CSMD1: variants seen among roughly 807,000 people sequenced by gnomAD.
CSMD1 encodes the protein CUB and Sushi multiple domains 1.
Under a neutral mutation model 417.5 loss-of-function variants are expected in CSMD1, and 213 were observed. The ratio of observed to expected loss-of-function variants is 0.51; its 90% CI spans 0.46 to 0.57. The LOEUF (loss-of-function observed/expected upper bound fraction) is 0.57, where lower values mean the gene tolerates loss of function less well. Among genes scored for constraint, CSMD1 ranks in the 20% least tolerant of loss-of-function variants. CSMD1 has a pLI of 0.00. For synonymous variants in CSMD1, 2,862 were observed against 1,736.8 expected, an observed-to-expected ratio of 1.65 and a Z score of -16.11; for missense variants, 6,923 against 4,529.7, an observed-to-expected ratio of 1.53 and a Z score of -15.17.
chr8:3,294,746 G>A (rs935293402), intron 25 of CSMD1, among the ~76,000 whole-genome samples: 13 of 152,268 alleles, frequency 8.5e-5, no homozygotes, highest in South Asian at 8.3e-4. Flanking sequence ...ACTAGGATAG[G>A]GAATTCCCTG....
At chr8:3,445,112 G>A (rs943698092) in intron 12 of CSMD1, among the ~76,000 whole-genome samples, 2 of 152,112 alleles carry the variant, frequency 1.3e-5, no homozygotes, top group Non-Finnish European at 2.9e-5. Context: ...CAGAAAATAG[G>A]AGCAACATAT....
At chr8:4,041,093 T>C (rs576747778) in intron 3 of CSMD1, among the ~76,000 whole-genome samples, 132 of 142,890 alleles carry the variant, frequency 9.2e-4, no homozygotes, top group Middle Eastern at 3.8e-3. Flanking sequence ...CTCGGCTCAC[T>C]GCAAGCTCCG....
intron 5 of CSMD1, among the ~76,000 whole-genome samples, chr8:3,967,125 A>G (rs1165649104): frequency 6.6e-6 from 1 of 151,720 alleles, no homozygotes; most frequent in Non-Finnish European, 1.5e-5. Context: ...AAACGGACTA[A>G]TTTTGTCTAT....
chr8:3,756,026 C>A (rs1797636188), intron 5 of CSMD1, among the ~76,000 whole-genome samples: 1 of 152,008 alleles, frequency 6.6e-6, no homozygotes, highest in Admixed American at 6.6e-5. Context: ...CCAGTCTGTG[C>A]CACTCACCTG....
At chr8:3,734,035 C>T (rs570609860) in intron 6 of CSMD1, among the ~76,000 whole-genome samples, 5 of 147,640 alleles carry the variant, frequency 3.4e-5, no homozygotes, top group Non-Finnish European at 6.0e-5. Flanking sequence ...TGAATAAACT[C>T]AGGAAGAAAT....
At chr8:3,818,380 T>G (rs933396725) in intron 5 of CSMD1, among the ~76,000 whole-genome samples, 1 of 152,220 alleles carries the variant, frequency 6.6e-6, no homozygotes, top group Non-Finnish European at 1.5e-5. Flanking sequence ...AAATGTTTAC[T>G]CTTGGAGGGA....
In CSMD1 at chr8:3,796,692, G is replaced by C. The variant is rs148644166; in HGVS notation, c.819-42650C>G. ...TCTATATGTATACATTGGAAGGTTA[G>C]AAAAGATGAGAATGGGTAGGAAACA... On this transcript the variant is annotated intron_variant, in intron 5 of 69. Coordinates refer to ENST00000635120, the MANE Select transcript of CSMD1 (RefSeq NM_033225.6). 2.8e-3 allele frequency among the ~76,000 whole-genome samples: 416 copies of C among 150,536 alleles called. 2 individuals are homozygous for C. Among genetic ancestry groups the C allele is most frequent in the African/African-American group, 9.3e-3 (385 of 41,262 alleles).
Position 4,428,089 on chromosome 8 carries a change from T to A in CSMD1, c.303-8024A>T, listed in dbSNP as rs142508742. On this transcript the variant is annotated intron_variant, in intron 2 of 69. Transcript: ENST00000635120. ...TGTCTCGTTTTCATATCAGACAATA[T>A]CAAGAGTGAATGGGATACATCTCTG... Among the ~76,000 whole-genome samples, 332 of 152,294 alleles carry A rather than the reference T, an allele frequency of 2.2e-3. 1 individual carries two copies. Among genetic ancestry groups the A allele is most frequent in the African/African-American group, 7.7e-3 (320 of 41,556 alleles).
intron 3 of CSMD1, among the ~76,000 whole-genome samples, chr8:4,214,006 G>A (rs1397231724): frequency 1.3e-5 from 2 of 152,178 alleles, no homozygotes; most frequent in African/African-American, 2.4e-5. Flanking sequence ...AAGGGGCAAA[G>A]TTCTGACGAT....
At chr8:4,368,223 G>T (rs1387869507) in intron 3 of CSMD1, among the ~76,000 whole-genome samples, 2 of 152,114 alleles carry the variant, frequency 1.3e-5, no homozygotes, top group Non-Finnish European at 2.9e-5. Flanking sequence ...ATTTATCAGA[G>T]GCATTTTCTG....
intron 7 of CSMD1, among the ~76,000 whole-genome samples, chr8:3,671,231 G>C (rs992039729): frequency 2.8e-5 from 4 of 143,424 alleles, no homozygotes; most frequent in African/African-American, 1.0e-4. Flanking sequence ...TATGTATATG[G>C]GATATATATG....
At chr8:3,628,562 G>A (rs1325284913) in intron 7 of CSMD1, among the ~76,000 whole-genome samples, 4 of 152,320 alleles carry the variant, frequency 2.6e-5, no homozygotes, top group African/African-American at 7.2e-5. Context: ...GGATGCCACT[G>A]GGCCACGGCA....
At chr8:3,837,770 C>A (rs954006850) in intron 5 of CSMD1, among the ~76,000 whole-genome samples, 4 of 151,480 alleles carry the variant, frequency 2.6e-5, no homozygotes, top group African/African-American at 9.7e-5. Flanking sequence ...TCAGTTCCAT[C>A]TTTGTTTTCT....
At chr8:3,471,340 T>A (rs953036216) in intron 11 of CSMD1, among the ~76,000 whole-genome samples, 2 of 152,194 alleles carry the variant, frequency 1.3e-5, no homozygotes, top group Middle Eastern at 3.2e-3. Context: ...TATATTGTAG[T>A]ACAGATACCA....
At chr8:4,015,725 A>C (rs559314234) in intron 4 of CSMD1, among the ~76,000 whole-genome samples, 111 of 151,168 alleles carry the variant, frequency 7.3e-4, no homozygotes, top group African/African-American at 2.6e-3. Flanking sequence ...AAAACTGTTG[A>C]AAAATACTGA....
In CSMD1 at chr8:2,957,719, C is replaced by T. The variant is rs1803118114; in HGVS notation, c.9791G>A (p.Ser3264Asn). The change falls in exon 63 of 70, where the codon AGT becomes AAT. Residue 3264 changes from serine (S) to asparagine (N), a missense_variant. By Grantham distance (46) the Ser-to-Asn change is conservative. Transcript: ENST00000635120. Reference sequence around the variant, plus strand: ...ACGTATACATTCGGTCTGTATCCCACTCCATGTTAAATTGGCAAGGCAGGT... The same window carrying T: ...ACGTATACATTCGGTCTGTATCCCATTCCATGTTAAATTGGCAAGGCAGGT... The part of the protein sequence containing the change: ...TRTCLANLTW[S>N]GIQTECIPHA... 1.9e-6 allele frequency: 3 copies of T among 1,594,426 alleles called. No individual in the cohort carries two copies. The highest frequency in any genetic ancestry group is 2.6e-6 in the Non-Finnish European group (3 of 1,169,266).
intron 4 of CSMD1, among the ~76,000 whole-genome samples, chr8:4,021,562 C>T (rs2130505336): frequency 6.6e-6 from 1 of 152,292 alleles, no homozygotes; most frequent in East Asian, 1.9e-4. Context: ...AGCAGGTGCA[C>T]CTGGGATCAT....
chr8:4,833,211 A>G (rs1410247775), intron 1 of CSMD1, among the ~76,000 whole-genome samples: 2 of 152,212 alleles, frequency 1.3e-5, no homozygotes, highest in Non-Finnish European at 2.9e-5. Flanking sequence ...TTTATAAAGA[A>G]AAGTGGATTA....
At chr8:4,869,407 G>T (rs1034634261) in intron 1 of CSMD1, among the ~76,000 whole-genome samples, 12 of 151,940 alleles carry the variant, frequency 7.9e-5, no homozygotes. Context: ...TGAGTTACTT[G>T]ACTTTCACTT....
Sources: allele counts gnomAD v4.1 joint callset (sites outside exome capture counted in the v4.1 genomes callset), GRCh38; gene constraint gnomAD v4.1.1; transcripts MANE v1.5; gene names NCBI Gene and HGNC (gene_info 2026-07-23, HGNC 2026-07-21).